CA10: variants seen among roughly 807,000 people sequenced by gnomAD.
CA10 encodes the protein carbonic anhydrase-related protein 10.
In CA10, 14 loss-of-function variants were observed where a neutral mutation model predicts 44.2. The ratio of observed to expected loss-of-function variants is 0.32; its 90% CI spans 0.21 to 0.50. The LOEUF is 0.50. Ranked by LOEUF, CA10 falls within the 20% of genes least tolerant of loss-of-function variation. CA10 has a pLI of 0.99. For missense variants in CA10, 350 were observed against 409.7 expected (o/e 0.85, Z 1.26); for synonymous variants, 159 against 141.6 (o/e 1.12, Z -0.87).
intron 2 of CA10, among the ~76,000 whole-genome samples, chr17:52,068,663 C>T (rs143160707): frequency 1.6e-4 from 24 of 152,266 alleles, no homozygotes; most frequent in Admixed American, 1.2e-3. Context: ...AAGTTTGTTA[C>T]GTCACTTAAC....
intron 1 of CA10, among the ~76,000 whole-genome samples, chr17:52,094,615 C>T (rs1988357665): frequency 6.6e-6 from 1 of 152,066 alleles, no homozygotes; most frequent in Admixed American, 6.5e-5. Flanking sequence ...TCCAGAAATA[C>T]TTTAAAACTT....
At chr17:52,115,781 C>T (rs1364289666) in intron 1 of CA10, among the ~76,000 whole-genome samples, 1 of 152,220 alleles carries the variant, frequency 6.6e-6, no homozygotes, top group Non-Finnish European at 1.5e-5. Flanking sequence ...AGGGGTCCAC[C>T]TCAGTCCAAC....
chr17:51,877,717 A>C (rs1326585929), intron 3 of CA10, among the ~76,000 whole-genome samples: 6 of 152,226 alleles, frequency 3.9e-5, no homozygotes, highest in Non-Finnish European at 1.5e-5. Context: ...AATTAGTATT[A>C]CTAAGTCATT....
chr17:51,906,833 T>C (rs1164355727), intron 3 of CA10, among the ~76,000 whole-genome samples: 1 of 152,144 alleles, frequency 6.6e-6, no homozygotes, highest in Admixed American at 6.5e-5. Flanking sequence ...GTCCAATCCA[T>C]CTGCATGTCC....
At chr17:51,699,554 G>A (rs1915519991) in intron 4 of CA10, among the ~76,000 whole-genome samples, 2 of 152,102 alleles carry the variant, frequency 1.3e-5, no homozygotes. Context: ...CTTAGCTTCA[G>A]CGAAGACATC....
intron 1 of CA10, among the ~76,000 whole-genome samples, chr17:52,125,549 C>G (rs1267988949): frequency 6.6e-6 from 1 of 152,166 alleles, no homozygotes; most frequent in Non-Finnish European, 1.5e-5. Context: ...TGCCTGCCAT[C>G]CAGGAGTACC....
intron 2 of CA10, among the ~76,000 whole-genome samples, chr17:52,039,438 T>C (rs1407077992): frequency 1.3e-5 from 2 of 152,070 alleles, no homozygotes; most frequent in Non-Finnish European, 2.9e-5. Flanking sequence ...TTGATTTTTT[T>C]TAAAGTGATC....
At chr17:51,930,593 G>T (rs1982616260) in intron 3 of CA10, among the ~76,000 whole-genome samples, 1 of 152,046 alleles carries the variant, frequency 6.6e-6, no homozygotes, top group Admixed American at 6.6e-5. Context: ...CCAAGATGAT[G>T]AACGTCTGAT....
intron 5 of CA10, among the ~76,000 whole-genome samples, chr17:51,650,717 G>A (rs138622058): frequency 1.1e-4 from 17 of 152,302 alleles, no homozygotes; most frequent in African/African-American, 3.6e-4. Flanking sequence ...ATATATTGTC[G>A]TGGCAGGTAA....
chr17:52,067,407 A>T (rs189611021), intron 2 of CA10, among the ~76,000 whole-genome samples: 57 of 152,360 alleles, frequency 3.7e-4, no homozygotes, highest in African/African-American at 1.2e-3. Context: ...CAGATTTTGG[A>T]TGACGTAGGG....
intron 4 of CA10, among the ~76,000 whole-genome samples, chr17:51,724,990 C>G (rs1916468229): frequency 6.6e-6 from 1 of 152,222 alleles, no homozygotes. Flanking sequence ...TGGTCCTCAA[C>G]AGTCACCATA....
rs184481370 is a variant in CA10, at chr17:51,904,836, T to C, written c.279+26154A>G. ...TGCATGTAATACAAACCCTATGGAA[T>C]TGGGACCTCTCCAGCTTGTTCAGAG... On this transcript the variant is annotated intron_variant, in intron 3 of 8. Coordinates refer to ENST00000451037, the MANE Select transcript of CA10 (RefSeq NM_020178.5). Among the ~76,000 whole-genome samples, 288 of 152,202 alleles carry C rather than the reference T, an allele frequency of 1.9e-3. 1 individual carries two copies. The highest frequency in any genetic ancestry group is 6.5e-3 in the African/African-American group (271 of 41,544).
In CA10 at chr17:51,898,563, C is replaced by T. The variant is rs797001041; in HGVS notation, c.279+32427G>A. 9.9e-5 allele frequency among the ~76,000 whole-genome samples: 15 copies of T among 152,072 alleles called. 2 individuals are homozygous for T. The highest frequency in any genetic ancestry group is 2.9e-4 in the African/African-American group (12 of 41,506). On this transcript the variant is annotated intron_variant, in intron 3 of 8. Coordinates refer to ENST00000451037, the MANE Select transcript of CA10 (RefSeq NM_020178.5). ...TGTTTGGTCAGAATGATGCTTGCCT[C>T]GCAGAATGAGTTAGAGACAAGTCCC... is the stretch of plus-strand genomic sequence containing the variant.
intron 3 of CA10, among the ~76,000 whole-genome samples, chr17:51,911,143 A>G (rs143958104): frequency 2.2e-4 from 33 of 152,226 alleles, no homozygotes; most frequent in African/African-American, 7.5e-4. Flanking sequence ...CTCAGTCAAG[A>G]GGCCATGCTC....
intron 4 of CA10, among the ~76,000 whole-genome samples, chr17:51,701,619 C>A (rs1915606532): frequency 6.6e-6 from 1 of 152,090 alleles, no homozygotes; most frequent in East Asian, 1.9e-4. Flanking sequence ...GTTCTTAATC[C>A]TTTTAAATAT....
chr17:52,095,979 C>T (rs566498412), intron 1 of CA10, among the ~76,000 whole-genome samples: 69 of 152,206 alleles, frequency 4.5e-4, no homozygotes, highest in Non-Finnish European at 1.5e-4. Flanking sequence ...TCTAGATGTC[C>T]TTTTATTACC....
At chr17:51,977,569 T>G (rs929228158) in intron 2 of CA10, among the ~76,000 whole-genome samples, 2 of 152,080 alleles carry the variant, frequency 1.3e-5, no homozygotes, top group Non-Finnish European at 2.9e-5. Context: ...TGCTAAAAAC[T>G]TATAGCTAAT....
At chr17:51,767,275 G>A (rs1409506584) in intron 3 of CA10, among the ~76,000 whole-genome samples, 1 of 146,984 alleles carries the variant, frequency 6.8e-6, no homozygotes, top group Non-Finnish European at 1.5e-5. Flanking sequence ...TCATCATTAG[G>A]TGGATTTCAT....
rs557082879 is a variant in CA10, at chr17:51,992,009, C to T, written c.137-60877G>A. ...TTATTACAAAACATTTCTAACATAC[C>T]AAGAAGTAAAACATCCGTGATTTAC... On this transcript the variant is annotated intron_variant, in intron 2 of 8. Coordinates refer to ENST00000451037, the MANE Select transcript of CA10 (RefSeq NM_020178.5). Among the ~76,000 whole-genome samples, 118 of 151,830 alleles carry T rather than the reference C, an allele frequency of 7.8e-4. 1 individual carries two copies. Among genetic ancestry groups the T allele is most frequent in the Non-Finnish European group, 1.4e-3 (96 of 67,954 alleles).
Sources: allele counts gnomAD v4.1 joint callset (sites outside exome capture counted in the v4.1 genomes callset), GRCh38; gene constraint gnomAD v4.1.1; transcripts MANE v1.5; gene names NCBI Gene and HGNC (gene_info 2026-07-23, HGNC 2026-07-21).